The following PIP5K1B variants were observed in gnomAD, a reference collection of about 807,000 sequenced individuals.
PIP5K1B encodes the protein phosphatidylinositol 4-phosphate 5-kinase type-1 beta.
A neutral mutation model predicts 67.0 loss-of-function variants in PIP5K1B; 42 were observed. That is an observed-to-expected ratio of 0.63 (90% CI 0.49 to 0.81). The LOEUF is 0.81. Ranked by LOEUF, PIP5K1B falls within the 30% of genes least tolerant of loss-of-function variation. PIP5K1B has a pLI of 0.00. For synonymous variants in PIP5K1B, 214 were observed against 231.4 expected (o/e 0.92, Z 0.68); for missense variants, 459 against 646.3 (o/e 0.71, Z 3.14).
chr9:68,892,492 A>G (rs1824843959), intron 7 of PIP5K1B, among the ~76,000 whole-genome samples: 1 of 152,256 alleles, frequency 6.6e-6, no homozygotes, highest in Non-Finnish European at 1.5e-5. Context: ...TACTTACTGT[A>G]TTGACATGGA....
intron 4 of PIP5K1B, among the ~76,000 whole-genome samples, chr9:68,834,865 C>T (rs2132124328): frequency 6.6e-6 from 1 of 152,276 alleles, no homozygotes; most frequent in South Asian, 2.1e-4. Flanking sequence ...GAAGTCCCCT[C>T]ATCTGTAGTC....
intron 2 of PIP5K1B, chr9:68,780,106 C>G: frequency 1.0e-5 from 15 of 1,473,566 alleles, no homozygotes; most frequent in Non-Finnish European, 1.3e-5. Context: ...CCCTGGACTG[C>G]GGGGAATGGG....
intron 4 of PIP5K1B, among the ~76,000 whole-genome samples, chr9:68,844,999 A>G (rs1457103156): frequency 1.3e-5 from 2 of 152,240 alleles, no homozygotes; most frequent in Non-Finnish European, 2.9e-5. Context: ...GTTAAATCAT[A>G]CAAAACAAGT....
rs114071095 is a variant in PIP5K1B, at chr9:68,761,945, T to A, written c.-86+19288T>A. 4.5e-3 allele frequency among the ~76,000 whole-genome samples: 689 copies of A among 152,242 alleles called. 6 individuals are homozygous for A. Among genetic ancestry groups the A allele is most frequent in the African/African-American group, 0.016 (650 of 41,572 alleles). On this transcript the variant is annotated intron_variant, in intron 2 of 15. Transcript: ENST00000265382. ...TCTGCCTATCGCATTGCCATCTTTC[T>A]GAGTTTTTAAAGTTTTAACCAATAA...
intron 2 of PIP5K1B, among the ~76,000 whole-genome samples, chr9:68,814,965 A>G (rs1178772808): frequency 6.6e-6 from 1 of 152,216 alleles, no homozygotes; most frequent in African/African-American, 2.4e-5. Flanking sequence ...ACAAAAATCT[A>G]TTTCTATGGC....
At chr9:68,984,457 T>A (rs1304945101) in intron 14 of PIP5K1B, among the ~76,000 whole-genome samples, 1 of 152,236 alleles carries the variant, frequency 6.6e-6, no homozygotes, top group Non-Finnish European at 1.5e-5. Context: ...ATTAATTGGT[T>A]ATGTAGCTTA....
intron 8 of PIP5K1B, among the ~76,000 whole-genome samples, chr9:68,902,243 C>A (rs545334903): frequency 5.8e-4 from 88 of 152,244 alleles, no homozygotes; most frequent in African/African-American, 2.0e-3. Context: ...CTAATGGTAC[C>A]CTTTTATAGC....
chr9:68,951,906 A>G (rs1828094128), intron 14 of PIP5K1B, among the ~76,000 whole-genome samples: 1 of 152,148 alleles, frequency 6.6e-6, no homozygotes, highest in Non-Finnish European at 1.5e-5. Flanking sequence ...ACATGCTTAT[A>G]TTGTTATTGC....
chr9:68,947,407 C>T (rs1340141621), intron 14 of PIP5K1B, among the ~76,000 whole-genome samples: 2 of 152,210 alleles, frequency 1.3e-5, no homozygotes, highest in African/African-American at 4.8e-5. Context: ...AAGCCAGCAG[C>T]TTCTGTCCTC....
chr9:68,886,886 T>A (rs1824504575), intron 6 of PIP5K1B, among the ~76,000 whole-genome samples: 1 of 152,224 alleles, frequency 6.6e-6, no homozygotes, highest in Non-Finnish European at 1.5e-5. Context: ...GTCTGTCCCC[T>A]TGACCTCTCT....
intron 15 of PIP5K1B, among the ~76,000 whole-genome samples, chr9:68,996,565 C>T (rs758502820): frequency 1.5e-4 from 23 of 152,192 alleles, no homozygotes; most frequent in South Asian, 6.2e-4. Context: ...TGGGCAATCA[C>T]GCAGTCTTCA....
chr9:68,996,283 A>G (rs1168007963), intron 15 of PIP5K1B, among the ~76,000 whole-genome samples: 2 of 152,232 alleles, frequency 1.3e-5, no homozygotes, highest in Non-Finnish European at 2.9e-5. Context: ...TTGAAAAGGC[A>G]GCTAATTGTT....
intron 6 of PIP5K1B, among the ~76,000 whole-genome samples, chr9:68,887,855 C>G (rs1187326908): frequency 2.0e-5 from 3 of 152,016 alleles, no homozygotes; most frequent in Non-Finnish European, 4.4e-5. Flanking sequence ...CTTCCATTCT[C>G]TAAGGGAAAA....
At chr9:68,798,204 T>C (rs185135387) in intron 2 of PIP5K1B, among the ~76,000 whole-genome samples, 17 of 152,352 alleles carry the variant, frequency 1.1e-4, no homozygotes, top group African/African-American at 4.1e-4. Flanking sequence ...GTTTATGCTT[T>C]AGAAGCTTAA....
At chr9:69,005,839 G>A (rs2133048732) in intron 15 of PIP5K1B, among the ~76,000 whole-genome samples, 1 of 152,116 alleles carries the variant, frequency 6.6e-6, no homozygotes, top group Non-Finnish European at 1.5e-5. Context: ...TGATCCCTAA[G>A]TGACAGCAAC....
At chr9:68,925,172 G>A (rs1826627854) in intron 12 of PIP5K1B, among the ~76,000 whole-genome samples, 1 of 151,774 alleles carries the variant, frequency 6.6e-6, no homozygotes. Context: ...TCAGTATTGG[G>A]CATTTACATT....
At chr9:68,986,256 A>G (rs1195831892) in intron 14 of PIP5K1B, among the ~76,000 whole-genome samples, 1 of 152,160 alleles carries the variant, frequency 6.6e-6, no homozygotes, top group Admixed American at 6.5e-5. Flanking sequence ...AACAAGTTTA[A>G]TTTTTCTGAT....
intron 6 of PIP5K1B, among the ~76,000 whole-genome samples, chr9:68,877,142 T>A (rs1823938543): frequency 6.6e-6 from 1 of 152,244 alleles, no homozygotes. Flanking sequence ...GTTAATTGCC[T>A]TATTTGTACC....
chr9:68,775,102 C>T (rs1830851953), intron 2 of PIP5K1B, among the ~76,000 whole-genome samples: 2 of 152,204 alleles, frequency 1.3e-5, no homozygotes, highest in Admixed American at 6.5e-5. Flanking sequence ...TTCATATAGG[C>T]TTACTGCTTT....
Sources: gnomAD v4.1 joint callset for allele counts (sites outside exome capture counted in the v4.1 genomes callset) on GRCh38, gnomAD v4.1.1 for gene constraint, MANE v1.5 for transcripts, NCBI Gene and HGNC (gene_info 2026-07-23, HGNC 2026-07-21) for gene names.